ELAPOR2: variants seen among roughly 807,000 people sequenced by gnomAD.
The protein encoded by ELAPOR2 is endosome/lysosome-associated apoptosis and autophagy regulator family member 2.
A neutral mutation model predicts 120.7 loss-of-function variants in ELAPOR2; 89 were observed. The ratio of observed to expected loss-of-function variants is 0.74; its 90% CI spans 0.62 to 0.88. The LOEUF (loss-of-function observed/expected upper bound fraction) is 0.88, where lower values mean the gene tolerates loss of function less well. ELAPOR2 is among the 40% of genes least tolerant of loss of function. ELAPOR2 has a pLI of 0.00. For synonymous variants in ELAPOR2, 444 were observed against 444.9 expected (o/e 1.00, Z 0.03); for missense variants, 1,134 against 1,251.6 (o/e 0.91, Z 1.42).
In ELAPOR2 at chr7:86,925,528, C is replaced by T. The variant is rs201512426; in HGVS notation, c.1399G>A (p.Gly467Ser). The change falls in exon 10 of 22, where the codon GGT becomes AGT. Residue 467 changes from glycine to serine, a missense_variant and splice_region_variant. Gly to Ser is a moderately conservative substitution (Grantham distance 56). This residue lies in a region of ELAPOR2 where 831 missense variants were observed against 867.6 expected (regional missense o/e 0.96). Transcript: ENST00000450689. ...VGNSKCDGMN[G>S]WEVAGDHIQS... ...TCAAGTAGGCTGATTTTGAACTTAC[C>T]ATTCATTCCATCGCACTTTGAATTC... 2.2e-5 allele frequency: 36 copies of T among 1,611,188 alleles called. No homozygotes were observed.
intron 5 of ELAPOR2, among the ~76,000 whole-genome samples, chr7:86,941,124 T>G (rs908768115): frequency 6.6e-6 from 1 of 152,052 alleles, no homozygotes; most frequent in Non-Finnish European, 1.5e-5. Context: ...CTTATTGAAA[T>G]AGAGCTTGAT....
chr7:86,986,205 G>A lies in ELAPOR2; in HGVS notation c.190-21181C>T, dbSNP rs561985990. Among the ~76,000 whole-genome samples, 191 of 121,154 alleles carry A rather than the reference G, an allele frequency of 1.6e-3. 44 individuals are homozygous for A. Among genetic ancestry groups the A allele is most frequent in the Non-Finnish European group, 2.6e-3 (154 of 59,056 alleles). The allele number at this position is 121,154 out of a possible 152,430, so 79.5% of individuals were successfully genotyped here. A position where few individuals can be genotyped will look rare whatever the true frequency, so the allele number is the denominator to read the frequency against. On this transcript the variant is annotated intron_variant, in intron 1 of 21. Coordinates refer to ENST00000450689, the MANE Select transcript of ELAPOR2 (RefSeq NM_001142749.3). Reference sequence around the variant, plus strand: ...AGCACTTTGGGAGGCCGAGGCGGGCGGATCACGAGGTCAGGAGATCGAGAC... The same window carrying A: ...AGCACTTTGGGAGGCCGAGGCGGGCAGATCACGAGGTCAGGAGATCGAGAC...
chr7:86,918,602 A>T lies in ELAPOR2; in HGVS notation c.1491-58T>A, dbSNP rs931489402. 5 of 1,081,308 alleles carry T rather than the reference A, an allele frequency of 4.6e-6. No individual in the cohort carries two copies. In the African/African-American group the frequency reaches 4.8e-5, roughly 10 times the overall value. 67.0% of individuals were successfully genotyped at this position (1,081,308 alleles called of 1,614,324 possible). A position where few individuals can be genotyped will look rare whatever the true frequency, so the allele number is the denominator to read the frequency against. On this transcript the variant is annotated intron_variant, in intron 11 of 21. Transcript: ENST00000450689. The stretch of plus-strand genomic sequence containing the variant: ...CTATGTTCTAAATACAATTTAGAAT[A>T]AAATTAAGCCACTATTTTTATTAAA...
At chr7:86,989,394 T>C (rs1792864564) in intron 1 of ELAPOR2, among the ~76,000 whole-genome samples, 1 of 152,248 alleles carries the variant, frequency 6.6e-6, no homozygotes, top group Admixed American at 6.5e-5. Flanking sequence ...ACAGGTGCAG[T>C]GGGCTATAGA....
At chr7:87,037,979 C>T (rs1794642383) in intron 1 of ELAPOR2, among the ~76,000 whole-genome samples, 1 of 152,312 alleles carries the variant, frequency 6.6e-6, no homozygotes, top group Admixed American at 6.5e-5. Context: ...CATCACAGCA[C>T]TTAACCCATC....
intron 18 of ELAPOR2, among the ~76,000 whole-genome samples, chr7:86,899,281 C>A (rs1218328535): frequency 6.6e-6 from 1 of 152,102 alleles, no homozygotes; most frequent in Non-Finnish European, 1.5e-5. Flanking sequence ...GCTATTTGGA[C>A]AGATTTTAGT....
At position 86,958,739 on chromosome 7, in the gene ELAPOR2, A is replaced by G. The variant is rs191594749; in HGVS notation, c.310+6165T>C. Among the ~76,000 whole-genome samples the G allele has an allele frequency of 8.9e-4, 136 of 152,344 alleles. 2 individuals carry two copies. Among genetic ancestry groups the G allele is most frequent in the Admixed American group, 8.8e-3 (135 of 15,312 alleles). Reference sequence around the variant, plus strand: ...TTCAGAATTCACCTCAGAGAGCCTCAGAGAATTAACATACATGGCTCAGAA... The same window carrying G: ...TTCAGAATTCACCTCAGAGAGCCTCGGAGAATTAACATACATGGCTCAGAA... On this transcript the variant is annotated intron_variant, in intron 2 of 21. Transcript: ENST00000450689.
At chr7:86,887,063 G>C (rs972689773) in intron 21 of ELAPOR2, among the ~76,000 whole-genome samples, 2 of 152,108 alleles carry the variant, frequency 1.3e-5, no homozygotes, top group African/African-American at 4.8e-5. Flanking sequence ...ATTGCCAATG[G>C]CTGGCTGTTT....
chr7:86,955,622 G>A (rs1260012639), intron 2 of ELAPOR2, among the ~76,000 whole-genome samples: 1 of 152,074 alleles, frequency 6.6e-6, no homozygotes, highest in Non-Finnish European at 1.5e-5. Context: ...CACAGGTAAT[G>A]TGATTTGAGG....
chr7:86,947,096 G>T (rs1432071586), intron 3 of ELAPOR2, among the ~76,000 whole-genome samples: 1 of 152,138 alleles, frequency 6.6e-6, no homozygotes, highest in Non-Finnish European at 1.5e-5. Flanking sequence ...CTCTTGTCAG[G>T]GGGTAGCCAG....
chr7:86,988,236 T>C (rs1057039359), intron 1 of ELAPOR2, among the ~76,000 whole-genome samples: 4 of 152,094 alleles, frequency 2.6e-5, no homozygotes, highest in Admixed American at 6.6e-5. Flanking sequence ...CTGGGAGAAA[T>C]ACCTAATGTA....
intron 1 of ELAPOR2, among the ~76,000 whole-genome samples, chr7:87,008,791 G>A (rs1215484590): frequency 1.3e-5 from 2 of 152,216 alleles, no homozygotes; most frequent in African/African-American, 4.8e-5. Flanking sequence ...GAGAGAATGA[G>A]AATAAGAAAC....
At chr7:86,987,219 G>A (rs1337356032) in intron 1 of ELAPOR2, among the ~76,000 whole-genome samples, 3 of 152,164 alleles carry the variant, frequency 2.0e-5, no homozygotes, top group South Asian at 4.1e-4. Context: ...AGATTTAAAT[G>A]TATGATCTAA....
chr7:86,958,858 C>A (rs904677640), intron 2 of ELAPOR2, among the ~76,000 whole-genome samples: 3 of 151,902 alleles, frequency 2.0e-5, no homozygotes, highest in African/African-American at 7.3e-5. Context: ...ATTTTTTTTC[C>A]ATTTCTAGAG....
chr7:86,882,698 A>G (rs533358819), intron 21 of ELAPOR2, among the ~76,000 whole-genome samples: 5 of 152,282 alleles, frequency 3.3e-5, no homozygotes, highest in Admixed American at 2.6e-4. Context: ...GTTGTCAATC[A>G]ATGGTTATAA....
chr7:87,048,159 G>A (rs113159069), intron 1 of ELAPOR2, among the ~76,000 whole-genome samples: 8 of 151,878 alleles, frequency 5.3e-5, no homozygotes, highest in African/African-American at 1.4e-4. Context: ...CAGGAGAATC[G>A]CTTGAACCTG....
chr7:87,031,932 C>A, intron 1 of ELAPOR2, among the ~76,000 whole-genome samples: 1 of 152,004 alleles, frequency 6.6e-6, no homozygotes, highest in East Asian at 1.9e-4. Context: ...GCCCCCCACC[C>A]AAAAAAGAGT....
chr7:86,902,907 A>G (rs1025883098), intron 18 of ELAPOR2, among the ~76,000 whole-genome samples: 3 of 152,180 alleles, frequency 2.0e-5, no homozygotes, highest in African/African-American at 7.2e-5. Flanking sequence ...TGTGACAAGA[A>G]CCCAGTGTCT....
chr7:86,897,703 C>A, intron 18 of ELAPOR2, 71 bp from the exon 19 acceptor site: 1 of 1,544,952 alleles, frequency 6.5e-7, no homozygotes, highest in Non-Finnish European at 8.9e-7. Context: ...CTCTAATCAA[C>A]ACCAGAATAC....
Sources: allele counts gnomAD v4.1 joint callset (sites outside exome capture counted in the v4.1 genomes callset), GRCh38; gene constraint gnomAD v4.1.1; regional missense constraint gnomAD v4.1.1; transcripts MANE v1.5; gene names NCBI Gene and HGNC (gene_info 2026-07-23, HGNC 2026-07-21).